Variants in UBE2V1 observed in about 807,000 individuals in gnomAD.
The protein encoded by UBE2V1 is ubiquitin-conjugating enzyme E2 variant 1.
A neutral mutation model predicts 19.6 loss-of-function variants in UBE2V1; 15 were observed. The observed-to-expected ratio is 0.77, with a 90% CI of 0.51 to 1.18. The LOEUF is 1.18. Ranked by LOEUF, UBE2V1 falls within the 50% of genes most tolerant of loss-of-function variation. The pLI is 0.00. For missense variants in UBE2V1, 125 were observed against 184.8 expected (o/e 0.68, Z 1.88); for synonymous variants, 60 against 60.7 (o/e 0.99, Z 0.05).
Position 50,105,945 on chromosome 20 carries a change from A to C in UBE2V1, c.22+7162T>G, listed in dbSNP as rs557716830. 8.4e-4 allele frequency among the ~76,000 whole-genome samples: 128 copies of C among 152,088 alleles called. 3 individuals are homozygous for C. The South Asian group carries it at 0.025, about 30-fold the overall frequency. ...GTCAAAAAAAACAAAAAACAAAAAA[A>C]CAAAAAAACAAAAAACAAACAAACA... On this transcript the variant is annotated intron_variant, in intron 1 of 3. Coordinates refer to ENST00000371674, the MANE Select transcript of UBE2V1 (RefSeq NM_001032288.3).
At chr20:50,104,738 A>C (rs994796183) in intron 1 of UBE2V1, among the ~76,000 whole-genome samples, 1 of 147,002 alleles carries the variant, frequency 6.8e-6, no homozygotes, top group African/African-American at 2.5e-5. Flanking sequence ...TTTCTAATTT[A>C]TTTTTAGAGA....
At position 50,082,554 on chromosome 20, in the gene UBE2V1, GGAT is replaced by G. The variant is rs1330103976; in HGVS notation, c.*211_*213del. ...ACGTGGACAGTGGTTACACTTGACA[GGAT>G]GATTTGTTATAGCACAACTTATATA... On this transcript the variant is annotated 3_prime_UTR_variant, in exon 4 of 4. Transcript: ENST00000371674. 3.5e-6 allele frequency: 3 copies of G among 849,480 alleles called. No individual in the cohort carries two copies. The highest frequency in any genetic ancestry group is 3.0e-5 in the East Asian group (1 of 33,242). 52.6% of individuals were successfully genotyped at this position (849,480 alleles called of 1,614,324 possible). A position where few individuals can be genotyped will look rare whatever the true frequency, so the allele number is the denominator to read the frequency against.
chr20:50,111,411 C>CA lies in UBE2V1; in HGVS notation c.22+1695dup, dbSNP rs1397321675. On this transcript the variant is annotated intron_variant, in intron 1 of 3. Coordinates refer to ENST00000371674, the MANE Select transcript of UBE2V1 (RefSeq NM_001032288.3). ...ACAGCACCTTATTGCTGGCTACCAC[C>CA]AGCACACTGGGCCCCTTCGTTTATT... 4.0e-6 allele frequency: 4 copies of CA among 1,000,180 alleles called. No individual in the cohort carries two copies. In the African/African-American group the frequency reaches 7.0e-5, roughly 17 times the overall value. The allele number at this position is 1,000,180 out of a possible 1,614,324, so 62.0% of individuals were successfully genotyped here.
chr20:50,103,963 A>G (rs2080177610), intron 1 of UBE2V1, among the ~76,000 whole-genome samples: 1 of 151,132 alleles, frequency 6.6e-6, no homozygotes, highest in Non-Finnish European at 1.5e-5. Context: ...GATACTCAAT[A>G]TCAATAAATG....
At chr20:50,114,353 C>T (rs1347002787), upstream of UBE2V1, among the ~76,000 whole-genome samples, 1 of 152,150 alleles carries the variant, frequency 6.6e-6, no homozygotes, top group Non-Finnish European at 1.5e-5. Context: ...CCACTCCGTT[C>T]ACTTCTCCAC....
chr20:50,086,820 G>A (rs1481786493), intron 2 of UBE2V1, among the ~76,000 whole-genome samples: 1 of 152,262 alleles, frequency 6.6e-6, no homozygotes, highest in Non-Finnish European at 1.5e-5. Flanking sequence ...GCTCACGCCT[G>A]TAATCCCAGC....
intron 2 of UBE2V1, 49 bp downstream of exon 2, chr20:50,096,623 C>T (rs1265897527): frequency 1.2e-6 from 2 of 1,608,870 alleles, no homozygotes; most frequent in African/African-American, 2.7e-5. Context: ...TAAAAGGAGG[C>T]ACAGTGAATT....
At chr20:50,087,508 CA>C (rs2078991703) in intron 2 of UBE2V1, among the ~76,000 whole-genome samples, 2 of 151,898 alleles carry the variant, frequency 1.3e-5, no homozygotes, top group African/African-American at 4.8e-5. Context: ...AAGGTTTCAG[CA>C]AAGGAAATGT....
upstream of UBE2V1, chr20:50,114,858 G>T (rs1196161459): frequency 6.6e-6 from 1 of 152,390 alleles, no homozygotes; most frequent in Non-Finnish European, 1.5e-5. Flanking sequence ...CTGAGGTCAG[G>T]AGTTCCAGAC....
chr20:50,104,655 C>CAAAAAAAAAAAAAAAAAAAAAAAAAA (rs113771532), intron 1 of UBE2V1, among the ~76,000 whole-genome samples: 1 of 71,618 alleles, frequency 1.4e-5, no homozygotes, highest in African/African-American at 5.1e-5. Context: ...GACTCTGGCA[C>CAAAAAAAAAAAAAAAAAAAAAAAAAA]AAAAAAAAAA....
At chr20:50,103,819 G>T (rs1399023094) in intron 1 of UBE2V1, among the ~76,000 whole-genome samples, 1 of 151,954 alleles carries the variant, frequency 6.6e-6, no homozygotes, top group Non-Finnish European at 1.5e-5. Flanking sequence ...ACACAGGCAT[G>T]TGTGGTATGT....
upstream of UBE2V1, among the ~76,000 whole-genome samples, chr20:50,113,783 A>ATTCATTCG (rs1555882048): frequency 1.7e-4 from 24 of 137,154 alleles, no homozygotes; most frequent in African/African-American, 4.6e-4. Flanking sequence ...TCATTCATTC[A>ATTCATTCG]TTCATTCATT....
chr20:50,113,032 G>A (rs1443910766), intron 1 of UBE2V1, 75 bp downstream of exon 1: 3 of 617,828 alleles, frequency 4.9e-6, no homozygotes, highest in Admixed American at 4.3e-5. Flanking sequence ...TCCGCTGCAG[G>A]AGGCTTTGAG....
chr20:50,106,721 CAG>C (rs1450142171), intron 1 of UBE2V1, among the ~76,000 whole-genome samples: 2 of 151,806 alleles, frequency 1.3e-5, no homozygotes, highest in Admixed American at 6.6e-5. Context: ...TCGAGCTACT[CAG>C]GGGGCTGAGG....
chr20:50,100,002 A>AGGGGAGGGTCACTTGAGCC lies in UBE2V1; in HGVS notation c.23-3201_23-3183dup, dbSNP rs576787926. Among the ~76,000 whole-genome samples, 1,287 of 152,206 alleles carry AGGGGAGGGTCACTTGAGCC rather than the reference A, an allele frequency of 8.5e-3. 7 individuals are homozygous for AGGGGAGGGTCACTTGAGCC. Among genetic ancestry groups the AGGGGAGGGTCACTTGAGCC allele is most frequent in the Non-Finnish European group, 0.014 (962 of 67,998 alleles). On this transcript the variant is annotated intron_variant, in intron 1 of 3. Transcript: ENST00000371674. ...AGTCCTAGTTACTCAGGAGGCTGAG[A>AGGGGAGGGTCACTTGAGCC]GGGGAGGGTCACTTGAGCCAGGAAG... is the stretch of plus-strand genomic sequence containing the variant.
intron 2 of UBE2V1, among the ~76,000 whole-genome samples, chr20:50,092,041 C>T (rs1449912039): frequency 1.3e-5 from 2 of 152,092 alleles, no homozygotes; most frequent in Non-Finnish European, 2.9e-5. Context: ...AAACACTTGG[C>T]CGGGTGTGGT....
At chr20:50,112,878 G>A (rs1569028960) in intron 1 of UBE2V1, among the ~76,000 whole-genome samples, 2 of 152,118 alleles carry the variant, frequency 1.3e-5, no homozygotes, top group African/African-American at 2.4e-5. Flanking sequence ...TCCCGGGGGA[G>A]CCTCAGGGCC....
At chr20:50,091,055 A>T (rs949095307) in intron 2 of UBE2V1, among the ~76,000 whole-genome samples, 1 of 151,454 alleles carries the variant, frequency 6.6e-6, no homozygotes, top group African/African-American at 2.4e-5. Flanking sequence ...TGGAAAAAAA[A>T]TTTTTTTTGA....
chr20:50,096,345 T>C, intron 2 of UBE2V1: 1 of 340,668 alleles, frequency 2.9e-6, no homozygotes. Flanking sequence ...TCAGGAATGC[T>C]GGCTATACCT....
Sources: gnomAD v4.1 joint callset for allele counts (sites outside exome capture counted in the v4.1 genomes callset) on GRCh38, gnomAD v4.1.1 for gene constraint, MANE v1.5 for transcripts, NCBI Gene and HGNC (gene_info 2026-07-23, HGNC 2026-07-21) for gene names.